The following RFC3 variants were observed in gnomAD, a reference collection of about 807,000 sequenced individuals.
RFC3 encodes replication factor C subunit 3.
A neutral mutation model predicts 45.1 loss-of-function variants in RFC3; 41 were observed. The ratio of observed to expected loss-of-function variants is 0.91; its 90% CI spans 0.71 to 1.18. RFC3 has a LOEUF of 1.18. Ranked by LOEUF, RFC3 falls within the 50% of genes most tolerant of loss-of-function variation. The pLI, the probability that RFC3 is intolerant of heterozygous loss-of-function variation, is 0.00. For synonymous variants in RFC3, 149 were observed against 144.0 expected, an observed-to-expected ratio of 1.03 and a Z score of -0.25; for missense variants, 423 against 428.1, an observed-to-expected ratio of 0.99 and a Z score of 0.10.
At chr13:33,902,967 A>G (rs141549299) in intron 8 of RFC3, among the ~76,000 whole-genome samples, 2 of 152,028 alleles carry the variant, frequency 1.3e-5, no homozygotes, top group Admixed American at 1.3e-4. Context: ...AAATTTATGA[A>G]TTTGTCTTAG....
At chr13:33,914,885 GA>G (rs1364362205) in intron 8 of RFC3, among the ~76,000 whole-genome samples, 1 of 152,108 alleles carries the variant, frequency 6.6e-6, no homozygotes. Flanking sequence ...AAATGACTGA[GA>G]AAGAGCAAAC....
chr13:33,975,419 G>T, the RFC3 span, among the ~76,000 whole-genome samples: 1 of 152,154 alleles, frequency 6.6e-6, no homozygotes, highest in African/African-American at 2.4e-5. Context: ...TGAGCATAAA[G>T]AATTTTTTTA....
chr13:33,861,286 A>G (rs904238430), intron 8 of RFC3, among the ~76,000 whole-genome samples: 13 of 152,226 alleles, frequency 8.5e-5, no homozygotes, highest in Non-Finnish European at 1.6e-4. Flanking sequence ...CGGTAAAGTG[A>G]TCTCTCTATT....
chr13:33,899,218 A>AAAAAAAAAAAAG, intron 8 of RFC3, among the ~76,000 whole-genome samples: 1 of 148,926 alleles, frequency 6.7e-6, no homozygotes, highest in African/African-American at 2.4e-5. Context: ...AAAAAAAAAA[A>AAAAAAAAAAAAG]AAAAAAAAAA....
At chr13:33,874,971 A>G (rs939308440) in intron 8 of RFC3, among the ~76,000 whole-genome samples, 2 of 152,200 alleles carry the variant, frequency 1.3e-5, no homozygotes, top group African/African-American at 4.8e-5. Context: ...TGGAGTAAGG[A>G]TCTTGAAAGT....
chr13:33,912,270 G>A (rs2082707816), intron 8 of RFC3, among the ~76,000 whole-genome samples: 2 of 151,612 alleles, frequency 1.3e-5, no homozygotes, highest in African/African-American at 4.9e-5. Flanking sequence ...CTGGGTCCTA[G>A]GACCTAGAGA....
At chr13:33,821,058 C>T in intron 1 of RFC3, 74 bp from the exon 2 acceptor site, 1 of 1,447,728 alleles carries the variant, frequency 6.9e-7, no homozygotes, top group Non-Finnish European at 9.4e-7. Context: ...ATATTTGTTA[C>T]TTAAAAAGTA....
chr13:33,973,652 CT>C, the RFC3 span, among the ~76,000 whole-genome samples: 3 of 148,794 alleles, frequency 2.0e-5, no homozygotes, highest in African/African-American at 7.5e-5. Context: ...TCTTCTTCTT[CT>C]TCTTTTTTTT....
chr13:33,873,730 C>T (rs1354430779), intron 8 of RFC3, among the ~76,000 whole-genome samples: 1 of 152,130 alleles, frequency 6.6e-6, no homozygotes, highest in East Asian at 1.9e-4. Context: ...AGACCAGGCC[C>T]CTGTTGTTGA....
chr13:33,899,190 A>ACAAAAACCAGACACAAACC (rs2082621317), intron 8 of RFC3, among the ~76,000 whole-genome samples: 1 of 137,774 alleles, frequency 7.3e-6, no homozygotes, highest in Non-Finnish European at 1.6e-5. Flanking sequence ...AAACCAGACG[A>ACAAAAACCAGACACAAACC]AGACACAATA....
At chr13:33,957,184 A>G (rs1219737384) in intron 8 of RFC3, among the ~76,000 whole-genome samples, 1 of 152,182 alleles carries the variant, frequency 6.6e-6, no homozygotes, top group Non-Finnish European at 1.5e-5. Context: ...CTTTCTCTTA[A>G]TATTCTGAAG....
chr13:33,878,335 C>G (rs560528556), intron 8 of RFC3, among the ~76,000 whole-genome samples: 1 of 152,250 alleles, frequency 6.6e-6, no homozygotes, highest in African/African-American at 2.4e-5. Context: ...ATTACAGTTT[C>G]CACAAGAACC....
At chr13:33,960,138 C>T (rs574440843) in intron 8 of RFC3, among the ~76,000 whole-genome samples, 28 of 152,202 alleles carry the variant, frequency 1.8e-4, no homozygotes, top group African/African-American at 5.1e-4. Context: ...CCAGGCCCCA[C>T]GTCTAATACT....
At chr13:33,905,269 A>G (rs1392148725) in intron 8 of RFC3, among the ~76,000 whole-genome samples, 1 of 151,742 alleles carries the variant, frequency 6.6e-6, no homozygotes, top group Non-Finnish European at 1.5e-5. Context: ...TACTGGGTAT[A>G]CGAGTGCATG....
intron 8 of RFC3, among the ~76,000 whole-genome samples, chr13:33,859,447 AAAT>A (rs1293376266): frequency 6.6e-6 from 1 of 152,238 alleles, no homozygotes; most frequent in Non-Finnish European, 1.5e-5. Flanking sequence ...GAAGGATTGT[AAAT>A]AATATCAAAA....
intron 8 of RFC3, among the ~76,000 whole-genome samples, chr13:33,948,057 T>G (rs1454906399): frequency 6.6e-6 from 1 of 152,014 alleles, no homozygotes; most frequent in Non-Finnish European, 1.5e-5. Context: ...ACCAAGACAA[T>G]GGGGAAAATG....
intron 8 of RFC3, among the ~76,000 whole-genome samples, chr13:33,884,483 A>G (rs956514027): frequency 1.3e-5 from 2 of 152,182 alleles, no homozygotes; most frequent in Non-Finnish European, 2.9e-5. Flanking sequence ...CATTTCTACT[A>G]TGTCTTCAAA....
At chr13:33,893,428 ATAAC>A (rs1368951669) in intron 8 of RFC3, among the ~76,000 whole-genome samples, 1 of 152,202 alleles carries the variant, frequency 6.6e-6, no homozygotes, top group Non-Finnish European at 1.5e-5. Flanking sequence ...ACTGAAATAA[ATAAC>A]TAACTCTTTA....
chr13:33,957,953 C>G (rs530963135), intron 8 of RFC3, among the ~76,000 whole-genome samples: 3 of 152,244 alleles, frequency 2.0e-5, no homozygotes, highest in African/African-American at 4.8e-5. Context: ...AATGGTGAAC[C>G]AGGCAGATGC....
Sources: gnomAD v4.1 joint callset for allele counts (sites outside exome capture counted in the v4.1 genomes callset) on GRCh38, gnomAD v4.1.1 for gene constraint, MANE v1.5 for transcripts, NCBI Gene and HGNC (gene_info 2026-07-23, HGNC 2026-07-21) for gene names.